CRTC2: variants seen among roughly 807,000 people sequenced by gnomAD.
The protein encoded by CRTC2 is CREB regulated transcription coactivator 2.
In CRTC2, 25 loss-of-function variants were observed where a neutral mutation model predicts 70.9. The observed-to-expected ratio is 0.35, with a 90% CI of 0.26 to 0.49. The LOEUF is 0.49. Ranked by LOEUF, CRTC2 falls within the 20% of genes least tolerant of loss-of-function variation. CRTC2 has a pLI of 0.98. For missense variants in CRTC2, 737 were observed against 882.6 expected (o/e 0.83, Z 2.09); for synonymous variants, 330 against 364.1 (o/e 0.91, Z 1.07).
intron 1 of CRTC2, chr1:153,958,044 G>T: frequency 7.8e-7 from 1 of 1,286,216 alleles, no homozygotes; most frequent in Non-Finnish European, 9.9e-7. Context: ...CGTCAGGGAT[G>T]CACAAGGACC....
In CRTC2 at chr1:153,954,906, T is replaced by C; in HGVS notation, c.339A>G (p.Arg113=). The C allele has an allele frequency of 2.5e-6, 4 of 1,613,746 alleles. No homozygotes were observed. Among genetic ancestry groups the C allele is most frequent in the South Asian group, 1.1e-5 (1 of 91,058 alleles). The part of the protein sequence containing the change: ...LVERVQRDPR[R]MVSPLRRYTR... ...TGTATCGGCGAAGTGGGGACACCAT[T>C]CTTCGAGGATCTCGCTGCACCCGTT... is the stretch of plus-strand genomic sequence containing the variant. The change falls in exon 3 of 14, where the codon AGA becomes AGG. Residue 113 remains arginine (R), a synonymous_variant. Transcript: ENST00000368633.
In CRTC2 at chr1:153,958,415, A is replaced by T. The variant is rs1257448602; in HGVS notation, c.83T>A (p.Leu28Gln). The T allele has an allele frequency of 1.9e-6, 3 of 1,613,286 alleles. No homozygotes were observed. Among genetic ancestry groups the T allele is most frequent in the Non-Finnish European group, 2.5e-6 (3 of 1,179,764 alleles). Reference sequence around the variant, plus strand: ...CTCCTCGGCCTGACGCTGCTTCTGCAGCGCAATCTTCTCACTAAATTTGCG... The same window carrying T: ...CTCCTCGGCCTGACGCTGCTTCTGCTGCGCAATCTTCTCACTAAATTTGCG... ...NPRKFSEKIA[L>Q]QKQRQAEETA... The change falls in exon 1 of 14, where the codon CTG becomes CAG. Residue 28 changes from leucine (L) to glutamine (Q), a missense_variant. By Grantham distance (113) the Leu-to-Gln change is moderately radical (BLOSUM62 -2). Transcript: ENST00000368633.
At position 153,951,408 on chromosome 1, in the gene CRTC2, G is replaced by A. The variant is rs780041213; in HGVS notation, c.1256C>T (p.Ser419Phe). Reference sequence around the variant, plus strand: ...GTGGTGGGGGGAGGCCCCAGGGGTAGAAGCAGGGTAAGAGGGGGCGCCCAA... The same window carrying A: ...GTGGTGGGGGGAGGCCCCAGGGGTAAAAGCAGGGTAAGAGGGGGCGCCCAA... Reference protein sequence around the residue: ...PVLGAPSYPASTPGASPHHRR... With the variant: ...PVLGAPSYPAFTPGASPHHRR... The change falls in exon 11 of 14, where the codon TCT becomes TTT. Residue 419 changes from serine (S) to phenylalanine (F), a missense_variant. By Grantham distance (155) the Ser-to-Phe change is radical (BLOSUM62 -2). Coordinates refer to ENST00000368633, the MANE Select transcript of CRTC2 (RefSeq NM_181715.3). The A allele has an allele frequency of 1.9e-6, 3 of 1,609,278 alleles. No individual in the cohort carries two copies. Among genetic ancestry groups the A allele is most frequent in the South Asian group, 2.2e-5 (2 of 90,714 alleles).
intron 3 of CRTC2, 137 bp downstream of exon 3, chr1:153,954,736 G>GC: frequency 1.3e-6 from 1 of 760,120 alleles, no homozygotes; most frequent in Non-Finnish European, 2.2e-6. Context: ...GGCTATGGTC[G>GC]CTTTTCAGGG....
Position 153,948,629 on chromosome 1 carries a change from T to G in CRTC2, c.1690A>C (p.Met564Leu). The G allele has an allele frequency of 6.3e-7, 1 of 1,587,074 alleles. No individual in the cohort carries two copies. The highest frequency in any genetic ancestry group is 8.6e-7 in the Non-Finnish European group (1 of 1,168,774). The change falls in exon 13 of 14, where the codon ATG becomes CTG. Residue 564 changes from methionine to leucine, a missense_variant. Transcript: ENST00000368633. The stretch of plus-strand genomic sequence containing the variant: ...ACCAGGCTGGCTGATGGGCTCTCCA[T>G]GCTGAACTGCTCCAGCTATAGACAT... The part of the protein sequence containing the change: ...FNLGNLEQFS[M>L]ESPSASLVLD...
In CRTC2 at chr1:153,955,122, A is replaced by G. The variant is rs1213616431; in HGVS notation, c.198T>C (p.His66=). 6.2e-7 allele frequency: 1 copy of G among 1,614,078 alleles called. No homozygotes were observed. The highest frequency in any genetic ancestry group is 8.5e-7 in the Non-Finnish European group (1 of 1,179,944). The change falls in exon 2 of 14, where the codon CAT becomes CAC. Residue 66 remains histidine, a synonymous_variant. Coordinates refer to ENST00000368633, the MANE Select transcript of CRTC2 (RefSeq NM_181715.3). ...TAACATTGGGCAGAGACCCACCATA[A>G]TGAGAGCTCCTTGTGTATGCCAGTC... ...KLRLAYTRSS[H]YGGSLPNVNQ...
intron 12 of CRTC2, 100 bp downstream of exon 12, chr1:153,948,989 GAGATCTCCCCACCACCCACCCCACCT>G (rs1680176120): frequency 1.9e-6 from 2 of 1,047,822 alleles, no homozygotes; most frequent in African/African-American, 1.6e-5. Context: ...CCGGGGAGAG[GAGATCTCCCCACCACCCACCCCACCT>G]AGATCTCCCC....
At position 153,954,314 on chromosome 1, in the gene CRTC2, A is replaced by G. The variant is rs1382671565; in HGVS notation, c.375T>C (p.Ile125=). ...AGGCAGGACTATAGGGAGAGCTGTC[A>G]ATGTGAACAGCACCAGTTAAGGAAA... ...VSPLRRYTRH[I]DSSPYSPAYL... is the part of the protein sequence containing the mutation. Residue 125 remains isoleucine, a splice_region_variant and synonymous_variant, in exon 4 of 14, where the codon ATT becomes ATC. Transcript: ENST00000368633. The G allele has an allele frequency of 3.1e-6, 5 of 1,610,450 alleles. No individual in the cohort carries two copies. The South Asian group carries it at 5.5e-5, about 18-fold the overall frequency.
At chr1:153,957,669 A>G (rs1267034635) in intron 1 of CRTC2, among the ~76,000 whole-genome samples, 1 of 152,190 alleles carries the variant, frequency 6.6e-6, no homozygotes, top group African/African-American at 2.4e-5. Flanking sequence ...AGAGTTCCAC[A>G]CAACTTATGG....
intron 11 of CRTC2, among the ~76,000 whole-genome samples, chr1:153,950,077 C>T (rs898907017): frequency 1.3e-5 from 2 of 152,122 alleles, no homozygotes; most frequent in Non-Finnish European, 2.9e-5. Flanking sequence ...GGACTACAAG[C>T]GTGCGCGACT....
At chr1:153,950,284 G>A (rs1205013003) in intron 11 of CRTC2, among the ~76,000 whole-genome samples, 2 of 152,194 alleles carry the variant, frequency 1.3e-5, no homozygotes, top group South Asian at 4.1e-4. Context: ...CTAAGGTTGA[G>A]AACTGCTGTT....
chr1:153,952,490 G>A, intron 8 of CRTC2, 44 bp from the exon 9 acceptor site: 1 of 1,613,098 alleles, frequency 6.2e-7, no homozygotes, highest in South Asian at 1.1e-5. Flanking sequence ...ACAGTGCTCA[G>A]CAGAGAACCC....
At position 153,947,872 on chromosome 1, in the gene CRTC2, G is replaced by C; in HGVS notation, c.*237C>G. The C allele has an allele frequency of 1.8e-6, 1 of 561,602 alleles. No homozygotes were observed. Among genetic ancestry groups the C allele is most frequent in the Non-Finnish European group, 3.2e-6 (1 of 313,440 alleles). 34.8% of individuals were successfully genotyped at this position (561,602 alleles called of 1,614,324 possible). On this transcript the variant is annotated 3_prime_UTR_variant, in exon 14 of 14. Coordinates refer to ENST00000368633, the MANE Select transcript of CRTC2 (RefSeq NM_181715.3). ...AACAGGCTCTGACCTCCAGACAGACGGTTCAAAGTTACAAGTGCTTTAGGC... is the reference window on the plus strand; with the variant it reads ...AACAGGCTCTGACCTCCAGACAGACCGTTCAAAGTTACAAGTGCTTTAGGC...
At chr1:153,954,131 G>A (rs1052006134) in intron 4 of CRTC2, 124 bp downstream of exon 4, 9 of 740,296 alleles carry the variant, frequency 1.2e-5, no homozygotes, top group African/African-American at 3.5e-5. Context: ...CAGCCCTGGC[G>A]TTATAGGAAG....
At chr1:153,954,788 C>A in intron 3 of CRTC2, 85 bp downstream of exon 3, 1 of 1,194,924 alleles carries the variant, frequency 8.4e-7, no homozygotes, top group South Asian at 1.3e-5. Flanking sequence ...AAGGGACGCA[C>A]AACACTTCAA....
Position 153,952,377 on chromosome 1 carries a change from C to G in CRTC2, c.752+20G>C. The G allele has an allele frequency of 1.9e-6, 3 of 1,613,586 alleles. No individual in the cohort carries two copies. Among genetic ancestry groups the G allele is most frequent in the Non-Finnish European group, 2.5e-6 (3 of 1,179,666 alleles). On this transcript the variant is annotated intron_variant, in intron 9 of 13. Coordinates refer to ENST00000368633, the MANE Select transcript of CRTC2 (RefSeq NM_181715.3). ...GTACTTCCTTCCCCCACCTCTCAGC[C>G]AACCTCAGGGAGTACTTACTTAATT... is the stretch of plus-strand genomic sequence containing the variant.
intron 12 of CRTC2, 69 bp downstream of exon 12, chr1:153,949,046 G>T: frequency 1.3e-6 from 2 of 1,502,524 alleles, no homozygotes; most frequent in Non-Finnish European, 1.8e-6. Flanking sequence ...CACCAGCCAT[G>T]CCATTCAGGC....
intron 12 of CRTC2, 134 bp from the exon 13 acceptor site, chr1:153,948,778 A>G (rs1237967535): frequency 2.9e-6 from 3 of 1,024,694 alleles, no homozygotes; most frequent in African/African-American, 1.6e-5. Context: ...GGGAGGTGGC[A>G]GCAAGCAGAG....
intron 11 of CRTC2, 22 bp from the exon 12 acceptor site, chr1:153,949,406 G>A: frequency 1.3e-6 from 2 of 1,587,150 alleles, no homozygotes; most frequent in South Asian, 2.3e-5. Context: ...TAAAAAGAGG[G>A]AAGCTTACTG....
Sources: gnomAD v4.1 joint callset for allele counts (sites outside exome capture counted in the v4.1 genomes callset) on GRCh38, gnomAD v4.1.1 for gene constraint, MANE v1.5 for transcripts, NCBI Gene and HGNC (gene_info 2026-07-23, HGNC 2026-07-21) for gene names.